Variants in ZNF600 observed in about 807,000 individuals in gnomAD.
ZNF600 encodes zinc finger protein KR-ZNF1.
In ZNF600, 4 loss-of-function variants were observed where a neutral mutation model predicts 7.3. The ratio of observed to expected loss-of-function variants is 0.55; its 90% CI spans 0.27 to 1.25. The LOEUF (loss-of-function observed/expected upper bound fraction) is 1.25. Among genes scored for constraint, ZNF600 ranks in the 50% most tolerant of loss-of-function variants. ZNF600 has a pLI of 0.12. For missense variants in ZNF600, 911 were observed against 922.1 expected (o/e 0.99, Z 0.16); for synonymous variants, 290 against 308.9 (o/e 0.94, Z 0.64).
At chr19:52,822,656 T>C in the ZNF600 span, among the ~76,000 whole-genome samples, 3 of 152,262 alleles carry the variant, frequency 2.0e-5, no homozygotes, top group East Asian at 1.9e-4. Flanking sequence ...ACAACAGCCT[T>C]GGTCGCACAT....
chr19:52,765,871 G>C, exon 4 of ZNF600: 5 of 1,613,994 alleles, frequency 3.1e-6, no homozygotes, highest in Non-Finnish European at 3.4e-6. Flanking sequence ...TGAATTCTAT[G>C]ATGAAGTGAA....
At chr19:52,776,006 C>CA (rs112283342) in intron 2 of ZNF600, among the ~76,000 whole-genome samples, 8,706 of 121,254 alleles carry the variant, frequency 0.072, 893 homozygotes, top group African/African-American at 0.24. Flanking sequence ...ACTCTGACTC[C>CA]AAAAAAAAAA....
the ZNF600 span, chr19:52,810,467 AG>A: frequency 6.3e-7 from 1 of 1,592,586 alleles, no homozygotes; most frequent in Non-Finnish European, 8.6e-7. Flanking sequence ...AGAGTCAGTG[AG>A]GACTTCCTTG....
At chr19:52,791,353 G>A (rs2062790420), upstream of ZNF600, among the ~76,000 whole-genome samples, 1 of 152,256 alleles carries the variant, frequency 6.6e-6, no homozygotes, top group Admixed American at 6.5e-5. Context: ...CAGAGCAGCT[G>A]AGAGGAACTG....
At chr19:52,785,523 A>G (rs1043418071) in intron 1 of ZNF600, among the ~76,000 whole-genome samples, 14 of 152,162 alleles carry the variant, frequency 9.2e-5, no homozygotes, top group Admixed American at 2.6e-4. Context: ...TGCTGGGATT[A>G]CAGGCATGAC....
exon 3 of ZNF600, chr19:52,774,659 C>A: frequency 2.0e-6 from 2 of 985,314 alleles, no homozygotes; most frequent in Non-Finnish European, 2.4e-6. Context: ...TTCCACTCTG[C>A]CAATGAGAAT....
intron 2 of ZNF600, among the ~76,000 whole-genome samples, chr19:52,776,206 A>C (rs1350216244): frequency 1.3e-5 from 2 of 151,516 alleles, no homozygotes; most frequent in African/African-American, 4.9e-5. Flanking sequence ...AATAGCTAAA[A>C]ATGTCAACAC....
chr19:52,786,349 G>A (rs1490796843), intron 1 of ZNF600, among the ~76,000 whole-genome samples: 1 of 152,176 alleles, frequency 6.6e-6, no homozygotes, highest in Non-Finnish European at 1.5e-5. Context: ...AGCCTCCCCG[G>A]GGCTGGGGCC....
the ZNF600 span, among the ~76,000 whole-genome samples, chr19:52,821,231 A>G: frequency 6.6e-6 from 1 of 152,130 alleles, no homozygotes; most frequent in African/African-American, 2.4e-5. Flanking sequence ...GCTGTGCTCC[A>G]GGAACCCAGG....
In ZNF600 at chr19:52,765,699, C is replaced by G. The variant is rs766135512; in HGVS notation, c.2264G>C (p.Gly755Ala). 28 of 1,613,798 alleles carry G rather than the reference C, an allele frequency of 1.7e-5. No individual in the cohort carries two copies. The South Asian group carries it at 3.0e-4, about 17-fold the overall frequency. ...GTAAGGTTTCTCTCCAGTGTGAAGT[C>G]CAGTATGTTGTTTCAGGTGTGAATC... The change falls in exon 4 of 4, where the codon GGA (glycine) becomes GCA (alanine). Residue 755 changes from glycine to alanine, a missense_variant. Physicochemically the swap from Gly to Ala is moderately conservative, Grantham distance 60 (BLOSUM62 0). Coordinates refer to ENST00000648973, the Ensembl canonical transcript of ZNF600.
the ZNF600 span, among the ~76,000 whole-genome samples, chr19:52,821,913 T>TA: frequency 6.3e-5 from 7 of 111,956 alleles, no homozygotes; most frequent in Non-Finnish European, 9.9e-5. Flanking sequence ...TAAAAAAAAA[T>TA]AAAAAAATAA....
the ZNF600 span, among the ~76,000 whole-genome samples, chr19:52,815,717 C>T: frequency 2.1e-5 from 3 of 145,336 alleles, no homozygotes; most frequent in African/African-American, 5.4e-5. Flanking sequence ...CCCAGCTACT[C>T]GGGAGGCTGA....
intron 1 of ZNF600, among the ~76,000 whole-genome samples, 116 bp downstream of exon 3, chr19:52,780,465 G>C (rs985986838): frequency 6.6e-6 from 1 of 152,170 alleles, no homozygotes; most frequent in Non-Finnish European, 1.5e-5. Context: ...AGAGGAAAGC[G>C]ACCAGTGGGG....
chr19:52,764,515 A>AT (rs1307873906), downstream of ZNF600: 5 of 136,710 alleles, frequency 3.7e-5, no homozygotes, highest in African/African-American at 1.4e-4. Flanking sequence ...CAGCTTTGAT[A>AT]TCCTTTTTTT....
chr19:52,811,136 C>T, the ZNF600 span, among the ~76,000 whole-genome samples: 483 of 150,752 alleles, frequency 3.2e-3, 2 homozygotes, highest in African/African-American at 0.011. Flanking sequence ...ACGAGTGATC[C>T]GCCAGCCTCG....
At chr19:52,765,178 T>A (rs760982732) in exon 4 of ZNF600, 1 of 461,488 alleles carries the variant, frequency 2.2e-6, no homozygotes, top group African/African-American at 2.0e-5. Context: ...TGGGAACAGT[T>A]ATCTCAAAAA....
At chr19:52,775,033 A>G (rs2062662357) in intron 2 of ZNF600, among the ~76,000 whole-genome samples, 1 of 152,158 alleles carries the variant, frequency 6.6e-6, no homozygotes, top group Non-Finnish European at 1.5e-5. Context: ...TGATGTCAAG[A>G]GTTCGAGACC....
At chr19:52,825,556 A>G in the ZNF600 span, among the ~76,000 whole-genome samples, 168 of 152,104 alleles carry the variant, frequency 1.1e-3, 3 homozygotes, top group South Asian at 2.7e-3. Context: ...TACCTGTAAC[A>G]CAGCTACTCA....
chr19:52,783,680 A>G (rs375059198), intron 1 of ZNF600, among the ~76,000 whole-genome samples: 3 of 152,092 alleles, frequency 2.0e-5, no homozygotes, highest in African/African-American at 4.8e-5. Flanking sequence ...CATTCTATAC[A>G]TAGCTCTTTC....
Sources: allele counts gnomAD v4.1 joint callset (sites outside exome capture counted in the v4.1 genomes callset), GRCh38; gene constraint gnomAD v4.1.1; transcripts MANE v1.5; gene names NCBI Gene and HGNC (gene_info 2026-07-23, HGNC 2026-07-21).